KIAA0319: variants seen among roughly 807,000 people sequenced by gnomAD.
The protein encoded by KIAA0319 is dyslexia-associated protein KIAA0319.
Under a neutral mutation model 108.4 loss-of-function variants are expected in KIAA0319, and 83 were observed. That is an observed-to-expected ratio of 0.77 (90% CI 0.64 to 0.92). KIAA0319 has a LOEUF of 0.92. Among genes scored for constraint, KIAA0319 ranks in the 40% least tolerant of loss-of-function variants. KIAA0319 has a pLI of 0.00. For missense variants in KIAA0319, 1,195 were observed against 1,322.4 expected, an observed-to-expected ratio of 0.90 and a Z score of 1.49; for synonymous variants, 484 against 510.4, an observed-to-expected ratio of 0.95 and a Z score of 0.70.
intron 1 of KIAA0319, among the ~76,000 whole-genome samples, chr6:24,607,614 T>C (rs1274830020): frequency 6.6e-6 from 1 of 152,188 alleles, no homozygotes; most frequent in Non-Finnish European, 1.5e-5. Flanking sequence ...ATATGGTAAC[T>C]AACATATGCT....
intron 1 of KIAA0319, among the ~76,000 whole-genome samples, chr6:24,624,028 T>TTTC (rs1562091006): frequency 7.1e-6 from 1 of 140,534 alleles, no homozygotes; most frequent in Non-Finnish European, 1.5e-5. Context: ...TTTTTTTTTT[T>TTTC]TTTTTTTTTT....
chr6:24,589,027 C>CA (rs554719504), intron 3 of KIAA0319, among the ~76,000 whole-genome samples: 1 of 152,110 alleles, frequency 6.6e-6, no homozygotes, highest in Non-Finnish European at 1.5e-5. Context: ...CACAAACACT[C>CA]AAAGAATGAG....
chr6:24,575,141 C>T (rs1305365233), intron 10 of KIAA0319, among the ~76,000 whole-genome samples: 2 of 152,194 alleles, frequency 1.3e-5, no homozygotes, highest in Admixed American at 1.3e-4. Context: ...CCAGTTAATA[C>T]TCCTTTGGAC....
In KIAA0319 at chr6:24,596,308, G is replaced by C; in HGVS notation, c.366C>G (p.Asn122Lys). ...CCCAGATCCCCGAGGGGGAGCCCCT[G>C]TTCAGCATCATGTCCCCATAGTCCA... The part of the protein sequence containing the change: ...QLLDYGDMML[N>K]RGSPSGIWGD... The change falls in exon 3 of 21, where the codon AAC (asparagine) becomes AAG (lysine). Residue 122 changes from asparagine (N) to lysine (K), a missense_variant. By Grantham distance (94) the Asn-to-Lys change is moderately conservative. Coordinates refer to ENST00000378214, the MANE Select transcript of KIAA0319 (RefSeq NM_014809.4). 6.2e-7 allele frequency: 1 copy of C among 1,614,140 alleles called. No homozygotes were observed.
chr6:24,571,417 G>A (rs1257215778), intron 11 of KIAA0319, among the ~76,000 whole-genome samples: 1 of 150,510 alleles, frequency 6.6e-6, no homozygotes, highest in Non-Finnish European at 1.5e-5. Context: ...GTCAAAAGCT[G>A]TGGCAGCCAT....
chr6:24,645,299 T>C (rs1777477474), intron 1 of KIAA0319, among the ~76,000 whole-genome samples: 1 of 152,222 alleles, frequency 6.6e-6, no homozygotes, highest in Non-Finnish European at 1.5e-5. Context: ...GACCTTAAGA[T>C]GATAACTCTC....
intron 12 of KIAA0319, among the ~76,000 whole-genome samples, chr6:24,569,683 T>C (rs1471856623): frequency 6.6e-6 from 1 of 152,128 alleles, no homozygotes; most frequent in Non-Finnish European, 1.5e-5. Flanking sequence ...AAGACAGCCC[T>C]GTTCAACTGC....
In KIAA0319 at chr6:24,547,111, C is replaced by T. The variant is rs1392386424; in HGVS notation, c.*54G>A. The T allele has an allele frequency of 8.9e-6, 14 of 1,571,140 alleles. No individual in the cohort carries two copies. Among genetic ancestry groups the T allele is most frequent in the Non-Finnish European group, 1.2e-5 (14 of 1,143,828 alleles). On this transcript the variant is annotated 3_prime_UTR_variant, in exon 21 of 21. Coordinates refer to ENST00000378214, the MANE Select transcript of KIAA0319 (RefSeq NM_014809.4). ...AGAGTGGGTTTTGTGCTGTAACTCC[C>T]ACTGACTGGTCTTGGATTCAAGGGG...
rs1461212250 is a variant in KIAA0319, at chr6:24,544,314, T to C, written c.*2851A>G. ...ACCCTGAAGCATAAAGAAAACAAATTTCCCCCTAAAAATAAGCATTACAGA... is the reference window on the plus strand; with the variant it reads ...ACCCTGAAGCATAAAGAAAACAAATCTCCCCCTAAAAATAAGCATTACAGA... On this transcript the variant is annotated 3_prime_UTR_variant, in exon 21 of 21. Coordinates refer to ENST00000378214, the MANE Select transcript of KIAA0319 (RefSeq NM_014809.4). The C allele has an allele frequency of 6.6e-6, 1 of 152,140 alleles. No homozygotes were observed. Among genetic ancestry groups the C allele is most frequent in the African/African-American group, 2.4e-5 (1 of 41,414 alleles). The allele number at this position is 152,140 out of a possible 1,614,324, so 9.4% of individuals were successfully genotyped here.
intron 5 of KIAA0319, chr6:24,583,290 A>G: frequency 3.0e-6 from 3 of 987,360 alleles, no homozygotes; most frequent in African/African-American, 3.5e-5. Flanking sequence ...CCCAGGTTCT[A>G]TGGGTTATTA....
chr6:24,546,419 G>A lies in KIAA0319; in HGVS notation c.*746C>T, dbSNP rs575595112. 5 of 152,126 alleles carry A rather than the reference G, an allele frequency of 3.3e-5. No individual in the cohort carries two copies. The East Asian group carries it at 9.6e-4, about 29-fold the overall frequency. The allele number at this position is 152,126 out of a possible 1,614,324, so 9.4% of individuals were successfully genotyped here. ...ATACTGCTAAACAACACCGAGAGGA[G>A]TCAGTGTAGTTTTTCTTAGAGAAAG... On this transcript the variant is annotated 3_prime_UTR_variant, in exon 21 of 21. Coordinates refer to ENST00000378214, the MANE Select transcript of KIAA0319 (RefSeq NM_014809.4).
At chr6:24,587,834 C>A (rs540718091) in intron 4 of KIAA0319, among the ~76,000 whole-genome samples, 2 of 152,170 alleles carry the variant, frequency 1.3e-5, no homozygotes, top group African/African-American at 4.8e-5. Context: ...ATGATCTGCT[C>A]GCCTGGGCTT....
rs807545 is a variant in KIAA0319, at chr6:24,563,901, C to A, written c.2431+301G>T. Among the ~76,000 whole-genome samples the A allele has an allele frequency of 0.092, 14,039 of 152,146 alleles. 666 individuals are homozygous for A. Among genetic ancestry groups the A allele is most frequent in the African/African-American group, 0.11 (4,682 of 41,490 alleles). ...ACAGCCACTTCACTGGAGCTGCCTCCCTCTGTGCCCTGGTATGAGGCCCTT... is the reference window on the plus strand; with the variant it reads ...ACAGCCACTTCACTGGAGCTGCCTCACTCTGTGCCCTGGTATGAGGCCCTT... On this transcript the variant is annotated intron_variant, in intron 15 of 20. Transcript: ENST00000378214.
Position 24,599,854 on chromosome 6 carries a change from C to T in KIAA0319, c.55+1195G>A. The T allele has an allele frequency of 4.7e-6, 2 of 425,492 alleles. No homozygotes were observed. Among genetic ancestry groups the T allele is most frequent in the Non-Finnish European group, 8.9e-6 (2 of 225,628 alleles). 26.4% of individuals were successfully genotyped at this position (425,492 alleles called of 1,614,324 possible). A position where few individuals can be genotyped will look rare whatever the true frequency, so the allele number is the denominator to read the frequency against. On this transcript the variant is annotated intron_variant, in intron 2 of 20. Coordinates refer to ENST00000378214, the MANE Select transcript of KIAA0319 (RefSeq NM_014809.4). This position sits in a 1 kb window ranked among gnomAD's most constrained non-coding sequence, Gnocchi z 4.1. ...ACTGCCCCAGAGCCTGTGGGGGAGG[C>T]CACTGTGCAGGGGAGCATAGGGAAC...
intron 2 of KIAA0319, among the ~76,000 whole-genome samples, chr6:24,597,052 C>T (rs1476982715): frequency 6.6e-6 from 1 of 152,146 alleles, no homozygotes; most frequent in African/African-American, 2.4e-5. Flanking sequence ...TCCACCCATC[C>T]ACCCACTCAT....
At chr6:24,636,312 A>G (rs1251009501) in intron 1 of KIAA0319, among the ~76,000 whole-genome samples, 1 of 152,260 alleles carries the variant, frequency 6.6e-6, no homozygotes, top group African/African-American at 2.4e-5. Flanking sequence ...AGCAGCAAGC[A>G]CTGGGCATTC....
chr6:24,571,284 G>C (rs928356126), intron 11 of KIAA0319, among the ~76,000 whole-genome samples: 1 of 151,016 alleles, frequency 6.6e-6, no homozygotes, highest in African/African-American at 2.4e-5. Context: ...GCTTACACCT[G>C]TAATCCCAGT....
Position 24,579,426 on chromosome 6 carries a change from TATATATCTTATATATCTC to T in KIAA0319, c.1372+414_1372+431del, listed in dbSNP as rs1191779047. On this transcript the variant is annotated intron_variant, in intron 8 of 20. Transcript: ENST00000378214. ...CTCTATATAAAGATATATATATATA[TATATATCTTATATATCTC>T]ATATATATCTTATATATCTCATATA... Among the ~76,000 whole-genome samples, 1,275 of 145,658 alleles carry T rather than the reference TATATATCTTATATATCTC, an allele frequency of 8.8e-3. 27 individuals are homozygous for T. Among genetic ancestry groups the T allele is most frequent in the Middle Eastern group, 0.036 (10 of 278 alleles).
Position 24,598,880 on chromosome 6 carries a change from AAAAAAAATAAAAAGT to A in KIAA0319, c.55+2154_55+2168del. 3 of 325,274 alleles carry A rather than the reference AAAAAAAATAAAAAGT, an allele frequency of 9.2e-6. No homozygotes were observed. In the Admixed American group the frequency reaches 1.2e-4, roughly 13 times the overall value. The allele number at this position is 325,274 out of a possible 1,614,324, so 20.1% of individuals were successfully genotyped here. On this transcript the variant is annotated intron_variant, in intron 2 of 20. Transcript: ENST00000378214. ...GACAGAGTGAGAAGACTGCATTTAA[AAAAAAAATAAAAAGT>A]AAAAAAATAATTTTAGCGATGGAGA... is the stretch of plus-strand genomic sequence containing the variant.
Sources: allele counts gnomAD v4.1 joint callset (sites outside exome capture counted in the v4.1 genomes callset), GRCh38; gene constraint gnomAD v4.1.1; non-coding constraint Gnocchi (gnomAD v3.1); transcripts MANE v1.5; gene names NCBI Gene and HGNC (gene_info 2026-07-23, HGNC 2026-07-21).